The following FAM13A variants were observed in gnomAD, a reference collection of about 807,000 sequenced individuals.
FAM13A encodes family with sequence similarity 13 member A, also known as protein FAM13A.
A neutral mutation model predicts 129.6 loss-of-function variants in FAM13A; 76 were observed. The ratio of observed to expected loss-of-function variants is 0.59; its 90% CI spans 0.49 to 0.71. The LOEUF (loss-of-function observed/expected upper bound fraction) is 0.71. Among genes scored for constraint, FAM13A ranks in the 30% least tolerant of loss-of-function variants. The probability of loss-of-function intolerance (pLI) is 0.00; values close to 1 mark genes in which losing one functional copy is unlikely to be tolerated. For synonymous variants in FAM13A, 443 were observed against 449.9 expected, an observed-to-expected ratio of 0.98 and a Z score of 0.20; for missense variants, 1,108 against 1,249.3, an observed-to-expected ratio of 0.89 and a Z score of 1.70.
chr4:88,728,270 T>C lies in FAM13A; in HGVS notation c.*263A>G. The C allele has an allele frequency of 2.0e-6, 1 of 502,254 alleles. No individual in the cohort carries two copies. Among genetic ancestry groups the C allele is most frequent in the Non-Finnish European group, 3.6e-6 (1 of 275,800 alleles). The allele number at this position is 502,254 out of a possible 1,614,324, so 31.1% of individuals were successfully genotyped here. ...GGAAAGCTCCACTACTGTGTGTGTG[T>C]GTGCGTGCATGCGCGTGCGCATGTG... On this transcript the variant is annotated 3_prime_UTR_variant, in exon 24 of 24. Transcript: ENST00000264344.
chr4:88,940,816 T>C (rs935831475), intron 4 of FAM13A, among the ~76,000 whole-genome samples: 1 of 152,192 alleles, frequency 6.6e-6, no homozygotes, highest in African/African-American at 2.4e-5. Flanking sequence ...GGAAAAGGGA[T>C]TATTTTTAAA....
chr4:88,892,871 A>G (rs1745590223), intron 6 of FAM13A, among the ~76,000 whole-genome samples: 1 of 152,006 alleles, frequency 6.6e-6, no homozygotes, highest in South Asian at 2.1e-4. Flanking sequence ...TTTAGTTGAT[A>G]CAATATTGAT....
At position 88,728,631 on chromosome 4, in the gene FAM13A, T is replaced by C. The variant is rs760453733; in HGVS notation, c.2974A>G (p.Met992Val). The C allele has an allele frequency of 1.5e-5, 24 of 1,614,052 alleles. No individual in the cohort carries two copies. In the East Asian group the frequency reaches 2.2e-4, roughly 15 times the overall value. The change falls in exon 24 of 24, where the codon ATG (methionine) becomes GTG (valine). Residue 992 changes from methionine to valine, a missense_variant. Met to Val is a conservative substitution (Grantham distance 21, BLOSUM62 1). Transcript: ENST00000264344. ...TTATATTCACTGTATTCTTCAGCCA[T>C]AGGAGTGCGGTCTTCCTTCTGGACA... ...RNVQKEDRTP[M>V]AEEYSEYKHI...
intron 5 of FAM13A, among the ~76,000 whole-genome samples, chr4:88,918,227 C>T (rs1215737267): frequency 6.6e-6 from 1 of 152,164 alleles, no homozygotes; most frequent in African/African-American, 2.4e-5. Context: ...TGAAATCGTG[C>T]AGCATTGATG....
intron 4 of FAM13A, among the ~76,000 whole-genome samples, chr4:88,965,094 C>T (rs1302567476): frequency 6.6e-6 from 1 of 152,158 alleles, no homozygotes; most frequent in African/African-American, 2.4e-5. Context: ...ATTGAACAGG[C>T]AAGACTAAGG....
Position 89,024,531 on chromosome 4 carries a change from T to C in FAM13A, c.218-3862A>G, listed in dbSNP as rs544298061. On this transcript the variant is annotated intron_variant, in intron 2 of 23. Coordinates refer to ENST00000264344, the MANE Select transcript of FAM13A (RefSeq NM_014883.4). ...GTTAAATTGCATTTACGTGAAACAA[T>C]AATAAAGCATAACCAAAATAGCAAC... Among the ~76,000 whole-genome samples, 215 of 152,188 alleles carry C rather than the reference T, an allele frequency of 1.4e-3. 1 individual carries two copies. The highest frequency in any genetic ancestry group is 5.0e-3 in the African/African-American group (208 of 41,564).
chr4:88,903,555 A>T (rs527533143), intron 6 of FAM13A, among the ~76,000 whole-genome samples: 1 of 152,354 alleles, frequency 6.6e-6, no homozygotes, highest in East Asian at 1.9e-4. Flanking sequence ...CAGGCTAGCC[A>T]TATGCCAAAA....
chr4:88,939,585 T>A (rs527565259), intron 4 of FAM13A, among the ~76,000 whole-genome samples: 2 of 152,328 alleles, frequency 1.3e-5, no homozygotes, highest in East Asian at 3.9e-4. Flanking sequence ...TAGACTATCT[T>A]GGGATACGCA....
At chr4:88,768,705 T>C (rs1746183445) in intron 11 of FAM13A, among the ~76,000 whole-genome samples, 1 of 152,196 alleles carries the variant, frequency 6.6e-6, no homozygotes, top group African/African-American at 2.4e-5. Flanking sequence ...AGAACCTTTC[T>C]TTTTACAATA....
intron 7 of FAM13A, among the ~76,000 whole-genome samples, chr4:88,808,289 C>T (rs1036008544): frequency 7.9e-5 from 12 of 152,024 alleles, no homozygotes; most frequent in Admixed American, 4.6e-4. Flanking sequence ...AAAATGGCCA[C>T]GGACAATTCT....
intron 19 of FAM13A, among the ~76,000 whole-genome samples, chr4:88,743,637 C>A (rs1055672941): frequency 3.3e-5 from 5 of 152,216 alleles, no homozygotes; most frequent in Non-Finnish European, 5.9e-5. Context: ...GATGCTCAAT[C>A]AATAGCGCAT....
chr4:88,756,802 A>G (rs1268981190), intron 14 of FAM13A, among the ~76,000 whole-genome samples: 1 of 152,184 alleles, frequency 6.6e-6, no homozygotes. Flanking sequence ...TAGTGCTATA[A>G]TGTAACTTGG....
chr4:89,025,034 A>C (rs1255709843), intron 2 of FAM13A, among the ~76,000 whole-genome samples: 1 of 152,138 alleles, frequency 6.6e-6, no homozygotes, highest in African/African-American at 2.4e-5. Flanking sequence ...TATGCTAAGG[A>C]GGGGCAGAAG....
intron 2 of FAM13A, among the ~76,000 whole-genome samples, chr4:89,023,854 G>C (rs1316436688): frequency 6.6e-6 from 1 of 151,972 alleles, no homozygotes; most frequent in African/African-American, 2.4e-5. Context: ...ACCCACATGA[G>C]GCTTACCAGA....
chr4:88,999,129 G>C (rs1763923161), intron 3 of FAM13A, among the ~76,000 whole-genome samples: 1 of 152,100 alleles, frequency 6.6e-6, no homozygotes, highest in South Asian at 2.1e-4. Flanking sequence ...GTATGTCCAA[G>C]AGCAAAGGCC....
chr4:88,910,688 T>C (rs2150253607), intron 5 of FAM13A, among the ~76,000 whole-genome samples: 1 of 151,842 alleles, frequency 6.6e-6, no homozygotes, highest in African/African-American at 2.4e-5. Context: ...TCTCGCTCTG[T>C]CACCAGGTTG....
intron 4 of FAM13A, among the ~76,000 whole-genome samples, chr4:88,943,545 C>G (rs1755133439): frequency 6.6e-6 from 1 of 152,222 alleles, no homozygotes; most frequent in Non-Finnish European, 1.5e-5. Flanking sequence ...CATTTTAAAT[C>G]TTGTCCACAG....
intron 6 of FAM13A, among the ~76,000 whole-genome samples, chr4:88,893,646 A>AATG (rs1745780558): frequency 2.5e-5 from 2 of 79,180 alleles, no homozygotes; most frequent in Non-Finnish European, 5.1e-5. Flanking sequence ...ATGAATGAAT[A>AATG]AATAAATAAA....
chr4:88,783,275 T>G (rs116799452), intron 10 of FAM13A, among the ~76,000 whole-genome samples: 1,896 of 152,182 alleles, frequency 0.012, 37 homozygotes, highest in African/African-American at 0.042. Flanking sequence ...TATGTCCACT[T>G]ATAACTTTTT....
Sources: gnomAD v4.1 joint callset for allele counts (sites outside exome capture counted in the v4.1 genomes callset) on GRCh38, gnomAD v4.1.1 for gene constraint, MANE v1.5 for transcripts, NCBI Gene and HGNC (gene_info 2026-07-23, HGNC 2026-07-21) for gene names.